ULK4: variants seen among roughly 807,000 people sequenced by gnomAD.
ULK4 encodes unc-51 like kinase 4.
ULK4 carries 133 observed loss-of-function variants against 160.6 expected under a neutral mutation model. The ratio of observed to expected loss-of-function variants is 0.83; its 90% CI spans 0.72 to 0.96. ULK4 has a LOEUF of 0.96. Ranked by LOEUF, ULK4 falls within the 40% of genes least tolerant of loss-of-function variation. ULK4 has a pLI of 0.00. For synonymous variants in ULK4, 534 were observed against 539.8 expected (o/e 0.99, Z 0.15); for missense variants, 1,580 against 1,499.5 (o/e 1.05, Z -0.89).
chr3:41,498,149 A>G (rs1795326), intron 32 of ULK4, among the ~76,000 whole-genome samples: 126,238 of 152,112 alleles, frequency 0.83, 53,981 homozygotes, highest in Non-Finnish European at 0.94. Flanking sequence ...ACTAAATGCC[A>G]GGCCAAAATA....
intron 35 of ULK4, among the ~76,000 whole-genome samples, chr3:41,371,733 C>T (rs899145844): frequency 1.3e-5 from 2 of 151,964 alleles, no homozygotes; most frequent in Admixed American, 6.6e-5. Flanking sequence ...ACCAGAATGC[C>T]TATTCTCCAA....
At chr3:41,571,155 T>C (rs1433220423) in intron 31 of ULK4, among the ~76,000 whole-genome samples, 1 of 152,248 alleles carries the variant, frequency 6.6e-6, no homozygotes, top group Non-Finnish European at 1.5e-5. Context: ...ATAAAAATTA[T>C]GTTACAGAAT....
chr3:41,538,985 C>A (rs1247213553), intron 32 of ULK4, among the ~76,000 whole-genome samples: 1 of 149,902 alleles, frequency 6.7e-6, no homozygotes. Context: ...AATGAAAAAA[C>A]AGACTAGTAT....
rs59762077 is a variant in ULK4, at chr3:41,909,092, C to CAAAA, written c.1086-1155_1086-1152dup. On this transcript the variant is annotated intron_variant, in intron 11 of 36. Coordinates refer to ENST00000301831, the MANE Select transcript of ULK4 (RefSeq NM_017886.4). ...TGGGTGACAAAGCAACACTCCATCTCAAAAAAAAAAAAAAAAAAATTAGCC... is the reference window on the plus strand; with the variant it reads ...TGGGTGACAAAGCAACACTCCATCTCAAAAAAAAAAAAAAAAAAAAAAATTAGCC... 1.9e-3 allele frequency among the ~76,000 whole-genome samples: 204 copies of CAAAA among 106,300 alleles called. 4 individuals carry two copies. Among genetic ancestry groups the CAAAA allele is most frequent in the African/African-American group, 5.8e-3 (155 of 26,736 alleles). The allele number at this position is 106,300 out of a possible 152,430, so 69.7% of individuals were successfully genotyped here. A position where few individuals can be genotyped will look rare whatever the true frequency, so the allele number is the denominator to read the frequency against.
intron 27 of ULK4, among the ~76,000 whole-genome samples, chr3:41,692,367 G>A (rs2125808750): frequency 6.6e-6 from 1 of 152,098 alleles, no homozygotes; most frequent in East Asian, 1.9e-4. Flanking sequence ...CTGGTACGGG[G>A]TCACCTTATT....
chr3:41,738,880 A>G (rs1339258444), intron 22 of ULK4, among the ~76,000 whole-genome samples: 1 of 151,932 alleles, frequency 6.6e-6, no homozygotes, highest in Admixed American at 6.6e-5. Context: ...CAGCAATTCT[A>G]CAAGCTGCTG....
intron 35 of ULK4, among the ~76,000 whole-genome samples, chr3:41,318,873 A>G (rs1180205388): frequency 1.3e-5 from 2 of 152,186 alleles, no homozygotes; most frequent in East Asian, 3.8e-4. Context: ...CCCCTTTATA[A>G]CCTGTAAAAG....
chr3:41,500,550 C>T (rs2085162930), intron 32 of ULK4, among the ~76,000 whole-genome samples: 1 of 152,092 alleles, frequency 6.6e-6, no homozygotes, highest in Admixed American at 6.6e-5. Context: ...GAGTGGGAGT[C>T]CTCAAATCCC....
intron 35 of ULK4, among the ~76,000 whole-genome samples, chr3:41,258,836 T>C (rs970832202): frequency 1.3e-5 from 2 of 152,038 alleles, no homozygotes; most frequent in African/African-American, 2.4e-5. Flanking sequence ...TTTCACCTGG[T>C]AGACAGGTAA....
At chr3:41,798,476 T>A (rs1197457246) in intron 20 of ULK4, among the ~76,000 whole-genome samples, 3 of 152,194 alleles carry the variant, frequency 2.0e-5, no homozygotes, top group Admixed American at 1.3e-4. Flanking sequence ...TATCCTTTCT[T>A]AATGATAATC....
At chr3:41,571,953 C>T (rs1001995432) in intron 31 of ULK4, among the ~76,000 whole-genome samples, 4 of 152,300 alleles carry the variant, frequency 2.6e-5, no homozygotes, top group East Asian at 1.9e-4. Flanking sequence ...AGCTGCCACA[C>T]GGGCCCGAGC....
intron 21 of ULK4, among the ~76,000 whole-genome samples, chr3:41,755,751 A>T (rs1425307901): frequency 6.6e-6 from 1 of 152,222 alleles, no homozygotes; most frequent in African/African-American, 2.4e-5. Flanking sequence ...GCAATTCAAG[A>T]TCTGGAAGTT....
At chr3:41,636,490 T>C (rs546849536) in intron 30 of ULK4, among the ~76,000 whole-genome samples, 2 of 151,168 alleles carry the variant, frequency 1.3e-5, no homozygotes, top group East Asian at 3.9e-4. Flanking sequence ...GCCATGATCC[T>C]GCCACTGCAC....
Position 41,495,667 on chromosome 3 carries a change from G to A in ULK4, c.3227-32414C>T, listed in dbSNP as rs564858849. 4.9e-3 allele frequency among the ~76,000 whole-genome samples: 733 copies of A among 151,064 alleles called. 5 individuals carry two copies. Among genetic ancestry groups the A allele is most frequent in the African/African-American group, 0.017 (703 of 41,138 alleles). On this transcript the variant is annotated intron_variant, in intron 32 of 36. Coordinates refer to ENST00000301831, the MANE Select transcript of ULK4 (RefSeq NM_017886.4). ...ACCTACAAAATGGGAGAAAATTTTT[G>A]CAACCTACTCATCTGACAAAGGGCT...
chr3:41,525,891 C>T (rs770243365), intron 32 of ULK4, among the ~76,000 whole-genome samples: 3 of 152,178 alleles, frequency 2.0e-5, no homozygotes, highest in Non-Finnish European at 4.4e-5. Context: ...GTTTAAATCA[C>T]TGTTTCATTT....
intron 32 of ULK4, among the ~76,000 whole-genome samples, chr3:41,506,767 A>AAAAAAAAAAAAATATATATAAATAT: frequency 3.5e-5 from 2 of 56,766 alleles, no homozygotes; most frequent in Non-Finnish European, 6.3e-5. Context: ...TGTGATTTAA[A>AAAAAAAAAAAAATATATATAAATAT]ATATATATAT....
At chr3:41,849,097 G>C (rs1435790523) in intron 17 of ULK4, among the ~76,000 whole-genome samples, 1 of 152,168 alleles carries the variant, frequency 6.6e-6, no homozygotes, top group Admixed American at 6.5e-5. Context: ...GAGGTTAGCT[G>C]CCCACAAAAG....
intron 21 of ULK4, among the ~76,000 whole-genome samples, chr3:41,783,413 T>C (rs11921656): frequency 0.072 from 10,939 of 151,876 alleles, 1,241 homozygotes; most frequent in African/African-American, 0.24. Flanking sequence ...GGCTCATGCC[T>C]ATAACCCCAG....
chr3:41,560,509 C>T (rs78884394), intron 32 of ULK4, among the ~76,000 whole-genome samples: 65,802 of 152,014 alleles, frequency 0.43, 15,372 homozygotes, highest in Middle Eastern at 0.55. Context: ...GGAATGTTTT[C>T]CCATTTGTTT....
Sources: allele counts gnomAD v4.1 joint callset (sites outside exome capture counted in the v4.1 genomes callset), GRCh38; gene constraint gnomAD v4.1.1; transcripts MANE v1.5; gene names NCBI Gene and HGNC (gene_info 2026-07-23, HGNC 2026-07-21).